Variants in LIN54 observed in about 807,000 individuals in gnomAD.
The protein encoded by LIN54 is lin-54 DREAM MuvB core complex component.
Under a neutral mutation model 78.7 loss-of-function variants are expected in LIN54, and 9 were observed. The observed-to-expected ratio is 0.11, with a 90% CI of 0.07 to 0.20. The LOEUF is 0.20. Ranked by LOEUF, LIN54 falls within the 10% of genes least tolerant of loss-of-function variation. The pLI is 1.00. For missense variants in LIN54, 573 were observed against 889.9 expected, an observed-to-expected ratio of 0.64 and a Z score of 4.53; for synonymous variants, 269 against 318.4, an observed-to-expected ratio of 0.84 and a Z score of 1.65.
chr4:82,969,221 A>G (rs1466238488), intron 4 of LIN54, among the ~76,000 whole-genome samples: 7 of 152,142 alleles, frequency 4.6e-5, no homozygotes, highest in Non-Finnish European at 1.0e-4. Flanking sequence ...AGTCCAACCC[A>G]CGTTTAAGGT....
At chr4:82,976,664 C>T (rs539614944) in intron 3 of LIN54, among the ~76,000 whole-genome samples, 19 of 152,188 alleles carry the variant, frequency 1.2e-4, no homozygotes, top group African/African-American at 4.6e-4. Context: ...GCCAAGATAG[C>T]ACCACTGCAC....
At chr4:82,931,288 C>G in intron 11 of LIN54, 143 bp from the exon 12 acceptor site, 1 of 665,606 alleles carries the variant, frequency 1.5e-6, no homozygotes, top group Non-Finnish European at 2.6e-6. Flanking sequence ...GGCTGACAAA[C>G]AGTAACTACA....
At chr4:83,008,870 C>A (rs1729630507) in intron 1 of LIN54, among the ~76,000 whole-genome samples, 1 of 152,096 alleles carries the variant, frequency 6.6e-6, no homozygotes, top group South Asian at 2.1e-4. Flanking sequence ...GACAATAGCC[C>A]TCTGTGATTA....
intron 4 of LIN54, among the ~76,000 whole-genome samples, chr4:82,956,115 A>G (rs1177235996): frequency 2.0e-5 from 3 of 151,754 alleles, no homozygotes; most frequent in Non-Finnish European, 4.4e-5. Context: ...GCGCGGCTAA[A>G]TTTTTTAGTA....
intron 12 of LIN54, among the ~76,000 whole-genome samples, chr4:82,928,927 T>C (rs899174929): frequency 2.0e-5 from 3 of 152,202 alleles, no homozygotes; most frequent in African/African-American, 4.8e-5. Flanking sequence ...GAGTATTAAA[T>C]TGGAGCAACC....
chr4:83,011,968 AG>A (rs1166849695), upstream of LIN54: 53 of 936,246 alleles, frequency 5.7e-5, no homozygotes, highest in Non-Finnish European at 6.7e-5. Context: ...AAGTTAGTGT[AG>A]GAAGAGTAAG....
At chr4:83,008,899 A>T (rs1293475061) in intron 1 of LIN54, among the ~76,000 whole-genome samples, 1 of 152,194 alleles carries the variant, frequency 6.6e-6, no homozygotes, top group South Asian at 2.1e-4. Context: ...CCAATGAAAA[A>T]GCTTTTTAAT....
chr4:82,930,848 A>G, intron 12 of LIN54, 95 bp downstream of exon 12: 1 of 1,181,846 alleles, frequency 8.5e-7, no homozygotes, highest in Non-Finnish European at 1.2e-6. Context: ...CAGGTTTGCA[A>G]CAACCAAAAA....
At chr4:82,958,328 A>C (rs1326905713) in intron 4 of LIN54, among the ~76,000 whole-genome samples, 3 of 152,140 alleles carry the variant, frequency 2.0e-5, no homozygotes, top group Admixed American at 1.3e-4. Context: ...GCCAGATTAT[A>C]TTTCTTAGTC....
At position 82,981,620 on chromosome 4, in the gene LIN54, A is replaced by C. The variant is rs543941976; in HGVS notation, c.684+2541T>G. On this transcript the variant is annotated intron_variant, in intron 2 of 12. Transcript: ENST00000340417. Reference sequence around the variant, plus strand: ...CTTTGAGGTTACTTCTGAGATGGAAAGACTTAAGTCGCCTAAAAATAATGG... The same window carrying C: ...CTTTGAGGTTACTTCTGAGATGGAACGACTTAAGTCGCCTAAAAATAATGG... 3.3e-3 allele frequency among the ~76,000 whole-genome samples: 504 copies of C among 152,308 alleles called. 6 individuals carry two copies. Among genetic ancestry groups the C allele is most frequent in the African/African-American group, 0.011 (468 of 41,566 alleles).
intron 4 of LIN54, among the ~76,000 whole-genome samples, 161 bp downstream of exon 4, chr4:82,970,166 T>C (rs1725525416): frequency 6.6e-6 from 1 of 152,232 alleles, no homozygotes; most frequent in Non-Finnish European, 1.5e-5. Context: ...GTAAGCTTTT[T>C]AATCTGTCAG....
At position 82,991,283 on chromosome 4, in the gene LIN54, G is replaced by A. The variant is rs114971223; in HGVS notation, c.-32-6407C>T. 8.9e-3 allele frequency among the ~76,000 whole-genome samples: 1,343 copies of A among 151,664 alleles called. 7 individuals are homozygous for A. Among genetic ancestry groups the A allele is most frequent in the Non-Finnish European group, 0.012 (839 of 67,960 alleles). ...CATATTTTGTTAAATTTATCCTTAA[G>A]TATTTCATGTTTTTTGATGCTGTTA... is the stretch of plus-strand genomic sequence containing the variant. On this transcript the variant is annotated intron_variant, in intron 1 of 12. Transcript: ENST00000340417.
chr4:82,944,051 G>A lies in LIN54; in HGVS notation c.1168+2207C>T, dbSNP rs114657054. ...GCCCAACTAATTATTGTATTTTTTCGGTAGAGACAGGGTTTCACCATGTTG... is the reference window on the plus strand; with the variant it reads ...GCCCAACTAATTATTGTATTTTTTCAGTAGAGACAGGGTTTCACCATGTTG... On this transcript the variant is annotated intron_variant, in intron 5 of 12. Coordinates refer to ENST00000340417, the MANE Select transcript of LIN54 (RefSeq NM_194282.4). Among the ~76,000 whole-genome samples, 1,092 of 150,736 alleles carry A rather than the reference G, an allele frequency of 7.2e-3. 16 individuals carry two copies. Among genetic ancestry groups the A allele is most frequent in the Middle Eastern group, 0.01 (3 of 292 alleles).
chr4:82,996,993 CTTGT>C (rs543841745), intron 1 of LIN54, among the ~76,000 whole-genome samples: 225 of 152,160 alleles, frequency 1.5e-3, no homozygotes, highest in African/African-American at 5.1e-3. Context: ...TCAGAAGTAT[CTTGT>C]TTATTTGTTT....
Position 83,000,096 on chromosome 4 carries a change from G to A in LIN54, c.-33+10388C>T, listed in dbSNP as rs545173394. The stretch of plus-strand genomic sequence containing the variant: ...TTTTATAGAGATAGGGTCTCATTAC[G>A]TTGCCCAGGCTGGTCTCGAACTCCT... On this transcript the variant is annotated intron_variant, in intron 1 of 12. Transcript: ENST00000340417. 5.9e-5 allele frequency among the ~76,000 whole-genome samples: 9 copies of A among 151,802 alleles called. 1 individual carries two copies. The South Asian group carries it at 6.3e-4, about 11-fold the overall frequency.
intron 4 of LIN54, among the ~76,000 whole-genome samples, chr4:82,952,198 T>C (rs1359693446): frequency 6.6e-6 from 1 of 152,110 alleles, no homozygotes; most frequent in Non-Finnish European, 1.5e-5. Context: ...ACCCATAGAA[T>C]GGGAGAGAAC....
intron 12 of LIN54, among the ~76,000 whole-genome samples, chr4:82,930,350 T>C (rs1721850291): frequency 6.6e-6 from 1 of 152,238 alleles, no homozygotes; most frequent in South Asian, 2.1e-4. Flanking sequence ...CTGGAGATAT[T>C]ATAGACATGC....
intron 1 of LIN54, among the ~76,000 whole-genome samples, chr4:83,009,706 T>C (rs10024720): frequency 1 from 151,912 of 152,336 alleles, 75,744 homozygotes; most frequent in Non-Finnish European, 1. Context: ...CTCAATTTAT[T>C]TTTCCCAACT....
intron 1 of LIN54, among the ~76,000 whole-genome samples, chr4:82,994,610 G>T (rs530947204): frequency 3.7e-4 from 57 of 152,118 alleles, no homozygotes; most frequent in African/African-American, 1.3e-3. Flanking sequence ...ATGTTGGCCA[G>T]ACTGGTCTCG....
Sources: gnomAD v4.1 joint callset for allele counts (sites outside exome capture counted in the v4.1 genomes callset) on GRCh38, gnomAD v4.1.1 for gene constraint, MANE v1.5 for transcripts, NCBI Gene and HGNC (gene_info 2026-07-23, HGNC 2026-07-21) for gene names.